NECAB1: variants seen among roughly 807,000 people sequenced by gnomAD.
NECAB1 encodes the protein N-terminal EF-hand calcium binding protein 1.
NECAB1 carries 29 observed loss-of-function variants against 57.5 expected under a neutral mutation model. That is an observed-to-expected ratio of 0.50 (90% CI 0.38 to 0.69). NECAB1 has a LOEUF of 0.69. Ranked by LOEUF, NECAB1 falls within the 30% of genes least tolerant of loss-of-function variation. The pLI is 0.00. For synonymous variants in NECAB1, 142 were observed against 147.7 expected, an observed-to-expected ratio of 0.96 and a Z score of 0.28; for missense variants, 372 against 413.8, an observed-to-expected ratio of 0.90 and a Z score of 0.88.
In NECAB1 at chr8:90,888,709, C is replaced by A. The variant is rs1269500269; in HGVS notation, c.357+7579C>A. ...AAATAAGTACATCCAAAAGAATGTA[C>A]TTTCAAAAAGAAAATGAATATGTGC... is the stretch of plus-strand genomic sequence containing the variant. On this transcript the variant is annotated intron_variant, in intron 5 of 12. Coordinates refer to ENST00000417640, the MANE Select transcript of NECAB1 (RefSeq NM_022351.5). Among the ~76,000 whole-genome samples the A allele has an allele frequency of 3.3e-5, 5 of 152,222 alleles. No individual in the cohort carries two copies. In the South Asian group the frequency reaches 6.2e-4, roughly 19 times the overall value.
chr8:90,938,036 C>G (rs2677581), intron 9 of NECAB1, among the ~76,000 whole-genome samples: 78,721 of 152,036 alleles, frequency 0.52, 23,401 homozygotes, highest in African/African-American at 0.79. Flanking sequence ...TGTAAATGTA[C>G]TAAATAGAAC....
At chr8:90,820,361 T>C (rs1812125179) in intron 2 of NECAB1, among the ~76,000 whole-genome samples, 1 of 152,012 alleles carries the variant, frequency 6.6e-6, no homozygotes, top group South Asian at 2.1e-4. Flanking sequence ...AAAACAAATA[T>C]ATGACATGTA....
intron 9 of NECAB1, among the ~76,000 whole-genome samples, chr8:90,935,355 T>C (rs1435710755): frequency 6.6e-6 from 1 of 152,154 alleles, no homozygotes; most frequent in Non-Finnish European, 1.5e-5. Flanking sequence ...TAGAATCCTA[T>C]AGTTATGAAT....
chr8:90,820,454 C>T (rs1222950197), intron 2 of NECAB1, among the ~76,000 whole-genome samples: 3 of 151,768 alleles, frequency 2.0e-5, no homozygotes, highest in African/African-American at 7.3e-5. Flanking sequence ...TATTATTGAA[C>T]ATGATGTTTT....
At chr8:90,902,077 A>G (rs1348805176) in intron 5 of NECAB1, among the ~76,000 whole-genome samples, 3 of 152,188 alleles carry the variant, frequency 2.0e-5, no homozygotes, top group Non-Finnish European at 4.4e-5. Context: ...TTTCTCTTAA[A>G]AATAAGAAAA....
intron 5 of NECAB1, among the ~76,000 whole-genome samples, chr8:90,907,456 T>C (rs997928263): frequency 6.6e-6 from 1 of 152,180 alleles, no homozygotes. Context: ...ATGTGGGATA[T>C]AGAACACAAT....
intron 2 of NECAB1, among the ~76,000 whole-genome samples, chr8:90,802,022 T>C (rs1192069517): frequency 6.6e-6 from 1 of 152,204 alleles, no homozygotes; most frequent in African/African-American, 2.4e-5. Context: ...ATTCATTGAG[T>C]GTCTACTGTG....
chr8:90,951,258 T>C, intron 12 of NECAB1, 54 bp downstream of exon 12: 1 of 1,085,338 alleles, frequency 9.2e-7, no homozygotes, highest in Non-Finnish European at 1.4e-6. Flanking sequence ...TTTGTTTGTT[T>C]GTTTCGTAAA....
intron 2 of NECAB1, among the ~76,000 whole-genome samples, chr8:90,821,194 C>T (rs575364400): frequency 2.5e-4 from 38 of 151,928 alleles, no homozygotes; most frequent in South Asian, 1.2e-3. Context: ...ACTTACTCCA[C>T]AGGTACCCCC....
intron 1 of NECAB1, among the ~76,000 whole-genome samples, chr8:90,792,883 GC>G (rs1811598765): frequency 6.6e-6 from 1 of 152,030 alleles, no homozygotes; most frequent in Non-Finnish European, 1.5e-5. Flanking sequence ...TCAGCTGCTT[GC>G]CGGGCTCCAG....
rs543592230 is a variant in NECAB1 at position 90,892,091 on chromosome 8, A to G, written c.357+10961A>G. 6.0e-4 allele frequency among the ~76,000 whole-genome samples: 92 copies of G among 152,354 alleles called. 1 individual carries two copies. The South Asian group carries it at 0.019, about 31-fold the overall frequency. On this transcript the variant is annotated intron_variant, in intron 5 of 12. Transcript: ENST00000417640. ...GTTTATAATGACAGGCAAAATGGCA[A>G]TTATGCAAAATGTTCAGAAAATATT...
chr8:90,835,057 C>T (rs1453948336), intron 3 of NECAB1, among the ~76,000 whole-genome samples: 1 of 151,178 alleles, frequency 6.6e-6, no homozygotes, highest in Non-Finnish European at 1.5e-5. Context: ...TCTGCATTCT[C>T]ATTGTAACAT....
chr8:90,843,492 T>A (rs1044612409), intron 3 of NECAB1, among the ~76,000 whole-genome samples: 4 of 152,248 alleles, frequency 2.6e-5, no homozygotes, highest in Non-Finnish European at 5.9e-5. Context: ...TAGAAGATCT[T>A]TAATATTGCT....
At chr8:90,945,306 T>C (rs1252718478) in intron 10 of NECAB1, among the ~76,000 whole-genome samples, 1 of 152,170 alleles carries the variant, frequency 6.6e-6, no homozygotes, top group Non-Finnish European at 1.5e-5. Context: ...GACTTCGTGA[T>C]CCGCCCGCCT....
intron 4 of NECAB1, among the ~76,000 whole-genome samples, chr8:90,878,917 CTA>C (rs1438991590): frequency 5.5e-5 from 8 of 146,218 alleles, no homozygotes; most frequent in Non-Finnish European, 1.1e-4. Context: ...CTCTCTCTCT[CTA>C]TATATATATA....
At chr8:90,837,617 G>T (rs1453913922) in intron 3 of NECAB1, among the ~76,000 whole-genome samples, 1 of 152,292 alleles carries the variant, frequency 6.6e-6, no homozygotes, top group East Asian at 1.9e-4. Context: ...ATTGATCAGG[G>T]TCCCTTCTGT....
At chr8:90,930,302 G>A (rs1810375584) in intron 8 of NECAB1, among the ~76,000 whole-genome samples, 1 of 152,026 alleles carries the variant, frequency 6.6e-6, no homozygotes, top group Non-Finnish European at 1.5e-5. Flanking sequence ...TTAAGAACAG[G>A]GGGAGCTCAA....
chr8:90,924,349 G>T (rs889208407), intron 6 of NECAB1, among the ~76,000 whole-genome samples: 3 of 152,060 alleles, frequency 2.0e-5, no homozygotes, highest in Non-Finnish European at 4.4e-5. Flanking sequence ...CAAAACAAAG[G>T]AGTCAGGTAA....
At chr8:90,922,486 ATTTTTTTTTTTT>A (rs577951495) in intron 6 of NECAB1, among the ~76,000 whole-genome samples, 1 of 57,520 alleles carries the variant, frequency 1.7e-5, no homozygotes, top group African/African-American at 5.9e-5. Flanking sequence ...AAAAACTTGG[ATTTTTTTTTTTT>A]TTTTTTTTTT....
Sources: gnomAD v4.1 joint callset for allele counts (sites outside exome capture counted in the v4.1 genomes callset) on GRCh38, gnomAD v4.1.1 for gene constraint, MANE v1.5 for transcripts, NCBI Gene and HGNC (gene_info 2026-07-23, HGNC 2026-07-21) for gene names.